The following LRRTM4 variants were observed in gnomAD, a reference collection of about 807,000 sequenced individuals.
LRRTM4 encodes leucine-rich repeat transmembrane neuronal protein 4.
In LRRTM4, 25 loss-of-function variants were observed where a neutral mutation model predicts 47.6. The ratio of observed to expected loss-of-function variants is 0.53; its 90% confidence interval spans 0.38 to 0.73. The LOEUF is 0.73. Ranked by LOEUF, LRRTM4 falls within the 30% of genes least tolerant of loss-of-function variation. The pLI, the probability that LRRTM4 is intolerant of heterozygous loss-of-function variation, is 0.00. For synonymous variants in LRRTM4, 311 were observed against 269.5 expected, an observed-to-expected ratio of 1.15 and a Z score of -1.51; for missense variants, 638 against 713.4, an observed-to-expected ratio of 0.89 and a Z score of 1.20.
chr2:76,895,647 C>G (rs550824449), intron 3 of LRRTM4, among the ~76,000 whole-genome samples: 1 of 152,130 alleles, frequency 6.6e-6, no homozygotes, highest in Admixed American at 6.6e-5. Flanking sequence ...CCAGCAAACT[C>G]TTCAGGTTGC....
At chr2:76,799,077 G>A (rs1018230482) in intron 3 of LRRTM4, among the ~76,000 whole-genome samples, 2 of 148,264 alleles carry the variant, frequency 1.3e-5, no homozygotes, top group East Asian at 2.0e-4. Context: ...TAGAAAAAGA[G>A]GGAATCCTCC....
chr2:77,139,576 G>A (rs1383811378), intron 3 of LRRTM4, among the ~76,000 whole-genome samples: 1 of 152,154 alleles, frequency 6.6e-6, no homozygotes, highest in Non-Finnish European at 1.5e-5. Flanking sequence ...ACAAGACAGG[G>A]ATGCCCTCTC....
intron 3 of LRRTM4, among the ~76,000 whole-genome samples, chr2:77,401,737 T>TCTGA: frequency 6.6e-6 from 1 of 152,004 alleles, no homozygotes; most frequent in East Asian, 1.9e-4. Flanking sequence ...CTTTCTAGTT[T>TCTGA]CTGACTTTGT....
At chr2:77,119,996 C>T (rs562473353) in intron 3 of LRRTM4, among the ~76,000 whole-genome samples, 12 of 151,870 alleles carry the variant, frequency 7.9e-5, no homozygotes, top group South Asian at 2.1e-4. Flanking sequence ...ATGCTTTGCT[C>T]GTGGAAACTG....
At chr2:77,094,828 T>C (rs1217042815) in intron 3 of LRRTM4, among the ~76,000 whole-genome samples, 1 of 152,166 alleles carries the variant, frequency 6.6e-6, no homozygotes, top group Non-Finnish European at 1.5e-5. Flanking sequence ...ATTGCAAAGC[T>C]GCTAGAAGAA....
chr2:77,053,775 A>G (rs1679515538), intron 3 of LRRTM4, among the ~76,000 whole-genome samples: 1 of 152,184 alleles, frequency 6.6e-6, no homozygotes, highest in Non-Finnish European at 1.5e-5. Flanking sequence ...GGGAAAATTA[A>G]ATTGAAATTT....
At chr2:77,469,051 G>C (rs1309889910) in intron 3 of LRRTM4, among the ~76,000 whole-genome samples, 2 of 152,240 alleles carry the variant, frequency 1.3e-5, no homozygotes, top group East Asian at 1.9e-4. Flanking sequence ...CTCAGTCAAG[G>C]AGTACGGAAA....
chr2:76,831,968 T>C (rs547608094), intron 3 of LRRTM4, among the ~76,000 whole-genome samples: 1 of 152,124 alleles, frequency 6.6e-6, no homozygotes, highest in Non-Finnish European at 1.5e-5. Context: ...CAGTATCTTC[T>C]CCAGAAATCA....
At chr2:77,520,806 A>G (rs1558783255) in intron 2 of LRRTM4, among the ~76,000 whole-genome samples, 1 of 151,896 alleles carries the variant, frequency 6.6e-6, no homozygotes, top group Non-Finnish European at 1.5e-5. Flanking sequence ...GAAAGCCTGC[A>G]AAGTTACAAT....
chr2:76,975,812 T>C (rs1446711), intron 3 of LRRTM4, among the ~76,000 whole-genome samples: 43,875 of 151,546 alleles, frequency 0.29, 8,231 homozygotes, highest in African/African-American at 0.54. Flanking sequence ...CAGTGTCTTA[T>C]ACTCTCTTAT....
chr2:76,931,834 A>C (rs1236902715), intron 3 of LRRTM4, among the ~76,000 whole-genome samples: 3 of 152,168 alleles, frequency 2.0e-5, no homozygotes, highest in Non-Finnish European at 4.4e-5. Context: ...AAAAGCATTC[A>C]AGAAGGGAGT....
chr2:77,221,844 C>T (rs1480865043), intron 3 of LRRTM4, among the ~76,000 whole-genome samples: 2 of 152,076 alleles, frequency 1.3e-5, no homozygotes, highest in African/African-American at 2.4e-5. Context: ...CTCAGCTCTG[C>T]ACCAAGCAGA....
intron 3 of LRRTM4, among the ~76,000 whole-genome samples, chr2:77,341,301 A>G (rs898795637): frequency 3.3e-5 from 5 of 152,024 alleles, no homozygotes; most frequent in South Asian, 2.1e-4. Context: ...GTACCCATGA[A>G]TGAATCATGT....
At chr2:77,165,425 C>A (rs1573028304) in intron 3 of LRRTM4, among the ~76,000 whole-genome samples, 1 of 152,146 alleles carries the variant, frequency 6.6e-6, no homozygotes, top group African/African-American at 2.4e-5. Context: ...CTATTCCAAT[C>A]AGTAGAAAAA....
chr2:77,356,583 T>C (rs917695004), intron 3 of LRRTM4, among the ~76,000 whole-genome samples: 1 of 152,180 alleles, frequency 6.6e-6, no homozygotes, highest in African/African-American at 2.4e-5. Flanking sequence ...TTTAGAGAAA[T>C]GCTGTTAAAA....
chr2:76,899,083 T>C lies in LRRTM4; in HGVS notation c.1552-150167A>G, dbSNP rs546940619. ...ACACAGTTGAAGAAATATGAGACTCTTATGTAACTCCTTACATCAAAATGA... is the reference window on the plus strand; with the variant it reads ...ACACAGTTGAAGAAATATGAGACTCCTATGTAACTCCTTACATCAAAATGA... On this transcript the variant is annotated intron_variant, in intron 3 of 3. Coordinates refer to ENST00000409884, the MANE Select transcript of LRRTM4 (RefSeq NM_001134745.3). Among the ~76,000 whole-genome samples, 5 of 152,122 alleles carry C rather than the reference T, an allele frequency of 3.3e-5. 1 individual carries two copies. The South Asian group carries it at 1.0e-3, about 32-fold the overall frequency.
chr2:77,470,343 A>G (rs1573457620), intron 3 of LRRTM4, among the ~76,000 whole-genome samples: 1 of 152,324 alleles, frequency 6.6e-6, no homozygotes, highest in African/African-American at 2.4e-5. Flanking sequence ...AGGCACACCA[A>G]GTTGATGCCA....
chr2:77,366,654 T>C (rs1224707591), intron 3 of LRRTM4, among the ~76,000 whole-genome samples: 1 of 151,896 alleles, frequency 6.6e-6, no homozygotes, highest in Non-Finnish European at 1.5e-5. Context: ...ACTTGATCAC[T>C]TCCAGTGACC....
rs1248121954 is a variant in LRRTM4 at position 77,206,879 on chromosome 2, A to C, written c.1551+311439T>G. On this transcript the variant is annotated intron_variant, in intron 3 of 3. Transcript: ENST00000409884. ...CAATAAAAACAACCTTAATTAAGGCAGCGTGGGTCACATTTCACATCAAAA... is the reference window on the plus strand; with the variant it reads ...CAATAAAAACAACCTTAATTAAGGCCGCGTGGGTCACATTTCACATCAAAA... 2.0e-5 allele frequency among the ~76,000 whole-genome samples: 3 copies of C among 152,236 alleles called. No homozygotes were observed. In the East Asian group the frequency reaches 5.8e-4, roughly 30 times the overall value.
Sources: allele counts gnomAD v4.1 joint callset (sites outside exome capture counted in the v4.1 genomes callset), GRCh38; gene constraint gnomAD v4.1.1; transcripts MANE v1.5; gene names NCBI Gene and HGNC (gene_info 2026-07-23, HGNC 2026-07-21).